Variants in PKHD1 observed in about 807,000 individuals in gnomAD.
The protein encoded by PKHD1 is PKHD1 ciliary IPT domain containing fibrocystin/polyductin.
In PKHD1, 291 loss-of-function variants were observed where a neutral mutation model predicts 412.0. The ratio of observed to expected loss-of-function variants is 0.71; its 90% CI spans 0.64 to 0.78. The LOEUF (loss-of-function observed/expected upper bound fraction) is 0.78. PKHD1 is among the 30% of genes least tolerant of loss of function. The pLI is 0.00. For missense variants in PKHD1, 4,825 were observed against 4,950.7 expected, an observed-to-expected ratio of 0.97 and a Z score of 0.76; for synonymous variants, 1,777 against 1,821.5, an observed-to-expected ratio of 0.98 and a Z score of 0.62.
intron 60 of PKHD1, among the ~76,000 whole-genome samples, chr6:51,686,214 A>G (rs944408982): frequency 6.6e-6 from 1 of 152,152 alleles, no homozygotes; most frequent in Non-Finnish European, 1.5e-5. Context: ...GTAAAGAAGG[A>G]TGATCATCCT....
chr6:51,900,046 T>C (rs995084908), intron 43 of PKHD1, among the ~76,000 whole-genome samples: 2 of 152,198 alleles, frequency 1.3e-5, no homozygotes, highest in South Asian at 2.1e-4. Context: ...GAACATTCCA[T>C]GCTCATGGGT....
At chr6:51,895,879 C>A (rs1779849467) in intron 43 of PKHD1, among the ~76,000 whole-genome samples, 2 of 152,084 alleles carry the variant, frequency 1.3e-5, no homozygotes, top group South Asian at 4.2e-4. Flanking sequence ...CAGGGAGTTC[C>A]CTTTCCTAGT....
intron 53 of PKHD1, among the ~76,000 whole-genome samples, chr6:51,780,840 A>T (rs1791873275): frequency 6.6e-6 from 1 of 152,194 alleles, no homozygotes; most frequent in Admixed American, 6.5e-5. Context: ...TTTTAGTCAC[A>T]TCTTCTGAAT....
chr6:51,622,173 T>C (rs184369498), intron 66 of PKHD1, among the ~76,000 whole-genome samples: 1 of 152,338 alleles, frequency 6.6e-6, no homozygotes, highest in East Asian at 1.9e-4. Context: ...GCTACAGCTT[T>C]TCCAGCTATC....
Position 52,025,128 on chromosome 6 carries a change from C to G in PKHD1, c.4682G>C (p.Cys1561Ser), listed in dbSNP as rs150032027. 1 of 1,614,024 alleles carries G rather than the reference C, an allele frequency of 6.2e-7. No homozygotes were observed. The highest frequency in any genetic ancestry group is 1.3e-5 in the African/African-American group (1 of 74,930). The change falls in exon 32 of 67, where the codon TGT becomes TCT. Residue 1561 changes from cysteine (C) to serine (S), a missense_variant. Physicochemically the swap from Cys to Ser is moderately radical, Grantham distance 112. Coordinates refer to ENST00000371117, the MANE Select transcript of PKHD1 (RefSeq NM_138694.4). The stretch of plus-strand genomic sequence containing the variant: ...GAAGTGTCTGGAAACATTACCAGAA[C>G]AAGCATACCCATTTCTTGTATAAAA... ...SVFYTRNGYA[C>S]SGNVSRHFYI...
chr6:52,047,026 T>A (rs1008060031), intron 23 of PKHD1, among the ~76,000 whole-genome samples: 4 of 152,184 alleles, frequency 2.6e-5, no homozygotes, highest in Non-Finnish European at 4.4e-5. Context: ...GCAAACGAAA[T>A]TGTTATCCTT....
At chr6:51,745,604 TGAGGCGG>T (rs1785089725) in intron 59 of PKHD1, among the ~76,000 whole-genome samples, 1 of 152,134 alleles carries the variant, frequency 6.6e-6, no homozygotes, top group Non-Finnish European at 1.5e-5. Context: ...TTTGGGAGGC[TGAGGCGG>T]GAGGATCACT....
rs1282234911 is a variant in PKHD1, at chr6:52,054,056, G to A, written c.1946C>T (p.Thr649Met). The A allele has an allele frequency of 9.9e-6, 16 of 1,613,670 alleles. No individual in the cohort carries two copies. Among genetic ancestry groups the A allele is most frequent in the South Asian group, 3.3e-5 (3 of 91,066 alleles). ...VKNTTCDWSL[T>M]RTSPESWQFD... The stretch of plus-strand genomic sequence containing the variant: ...TAGCTACCTCTCGGGGCTGGTCCTC[G>A]TGAGACTCCAGTCACAGGTGGTATT... Residue 649 changes from threonine (T) to methionine (M), a missense_variant, in exon 20 of 67, where the codon ACG becomes ATG. Coordinates refer to ENST00000371117, the MANE Select transcript of PKHD1 (RefSeq NM_138694.4).
At chr6:51,770,887 T>C (rs142939430) in intron 55 of PKHD1, among the ~76,000 whole-genome samples, 355 of 152,212 alleles carry the variant, frequency 2.3e-3, no homozygotes, top group Non-Finnish European at 3.7e-3. Context: ...GAAGGTATTT[T>C]GTCAATGTGG....
In PKHD1 at chr6:51,870,522, C is replaced by A; in HGVS notation, c.7468G>T (p.Asp2490Tyr). 6.2e-7 allele frequency: 1 copy of A among 1,612,438 alleles called. No individual in the cohort carries two copies. The highest frequency in any genetic ancestry group is 8.5e-7 in the Non-Finnish European group (1 of 1,178,550). The change falls in exon 47 of 67, where the codon GAC (aspartate) becomes TAC (tyrosine). Residue 2490 changes from aspartate (D) to tyrosine (Y), a missense_variant. Physicochemically the swap from Asp to Tyr is radical, Grantham distance 160. Transcript: ENST00000371117. ...TAATTACCTTGTCCTTGGGAACAGTCTGAACAGGTTCTAATGGCCACACAG... is the reference window on the plus strand; with the variant it reads ...TAATTACCTTGTCCTTGGGAACAGTATGAACAGGTTCTAATGGCCACACAG... ...INCVAIRTCS[D>Y]CSQGQGGFTV...
chr6:51,950,106 A>T (rs1396172268), intron 36 of PKHD1, among the ~76,000 whole-genome samples: 2 of 151,576 alleles, frequency 1.3e-5, no homozygotes, highest in East Asian at 3.9e-4. Flanking sequence ...TGTTTGCAAA[A>T]ATGTTCACAG....
intron 60 of PKHD1, among the ~76,000 whole-genome samples, chr6:51,704,024 C>T (rs1232653134): frequency 6.6e-6 from 1 of 151,942 alleles, no homozygotes; most frequent in African/African-American, 2.4e-5. Context: ...ATCAGCCATG[C>T]CAATACTGAC....
chr6:51,638,648 C>A (rs1768903368), intron 64 of PKHD1, among the ~76,000 whole-genome samples: 1 of 152,066 alleles, frequency 6.6e-6, no homozygotes, highest in South Asian at 2.1e-4. Context: ...GTTTCTTGCT[C>A]ACCAGGAGTA....
intron 60 of PKHD1, among the ~76,000 whole-genome samples, chr6:51,705,750 A>G (rs1194344887): frequency 3.3e-5 from 5 of 152,138 alleles, no homozygotes; most frequent in African/African-American, 1.2e-4. Context: ...AAATGAGGCT[A>G]GGATAGATGC....
At position 51,688,754 on chromosome 6, in the gene PKHD1, A is replaced by C. The variant is rs532994647; in HGVS notation, c.10157-28785T>G. 8.5e-5 allele frequency among the ~76,000 whole-genome samples: 13 copies of C among 152,284 alleles called. No homozygotes were observed. The South Asian group carries it at 2.5e-3, about 29-fold the overall frequency. On this transcript the variant is annotated intron_variant, in intron 60 of 66. Coordinates refer to ENST00000371117, the MANE Select transcript of PKHD1 (RefSeq NM_138694.4). Reference sequence around the variant, plus strand: ...CATACAAACTAGAAAATCTAGAAGAAATGGATAAATTCCTGGACACATACA... The same window carrying C: ...CATACAAACTAGAAAATCTAGAAGACATGGATAAATTCCTGGACACATACA...
rs66966800 is a variant in PKHD1 at position 51,903,832 on chromosome 6, C to CATATATATATAT, written c.6866-117_6866-106dup. 3.5e-3 allele frequency: 1,528 copies of CATATATATATAT among 435,204 alleles called. 40 individuals carry two copies. The African/African-American group carries it at 0.036, about 10-fold the overall frequency. The allele number at this position is 435,204 out of a possible 1,614,324, so 27.0% of individuals were successfully genotyped here. A position where few individuals can be genotyped will look rare whatever the true frequency, so the allele number is the denominator to read the frequency against. On this transcript the variant is annotated intron_variant, in intron 42 of 66. Transcript: ENST00000371117. Reference sequence around the variant, plus strand: ...ACATCAGAGTTCACATAATGCATTTCATATATATATATATATATATATATA... The same window carrying CATATATATATAT: ...ACATCAGAGTTCACATAATGCATTTCATATATATATATATATATATATATATATATATATATA...
At chr6:51,873,899 G>T (rs192740521) in intron 46 of PKHD1, among the ~76,000 whole-genome samples, 139 of 152,254 alleles carry the variant, frequency 9.1e-4, no homozygotes, top group African/African-American at 3.2e-3. Flanking sequence ...ATTGCAAATT[G>T]AAAGTGCAAA....
chr6:51,981,415 G>A (rs1415443085), intron 35 of PKHD1, among the ~76,000 whole-genome samples: 7 of 145,562 alleles, frequency 4.8e-5, no homozygotes, highest in South Asian at 2.3e-4. Flanking sequence ...GGACGGTGCT[G>A]CTGCCATCTC....
In PKHD1 at chr6:52,007,244, T is replaced by C. The variant is rs1158215262; in HGVS notation, c.5751+3065A>G. On this transcript the variant is annotated intron_variant, in intron 35 of 66. Transcript: ENST00000371117. Reference sequence around the variant, plus strand: ...GCTGGATCAAATGGTAGTCTACTTTTAGTTCTTTAAGGAATCTCCACACTG... The same window carrying C: ...GCTGGATCAAATGGTAGTCTACTTTCAGTTCTTTAAGGAATCTCCACACTG... Among the ~76,000 whole-genome samples, 3 of 152,244 alleles carry C rather than the reference T, an allele frequency of 2.0e-5. No individual in the cohort carries two copies. In the East Asian group the frequency reaches 5.8e-4, roughly 29 times the overall value.
Sources: allele counts gnomAD v4.1 joint callset (sites outside exome capture counted in the v4.1 genomes callset), GRCh38; gene constraint gnomAD v4.1.1; transcripts MANE v1.5; gene names NCBI Gene and HGNC (gene_info 2026-07-23, HGNC 2026-07-21).